Variants in GPC4 observed in about 807,000 individuals in gnomAD.
GPC4 encodes the protein glypican 4.
Under a neutral mutation model 35.0 loss-of-function variants are expected in GPC4, and 10 were observed. That is an observed-to-expected ratio of 0.29 (90% confidence interval 0.18 to 0.48). The LOEUF is 0.48. Ranked by LOEUF, GPC4 falls within the 20% of genes least tolerant of loss-of-function variation. GPC4 has a pLI of 0.99. For missense variants in GPC4, 322 were observed against 451.3 expected (o/e 0.71, Z 2.60); for synonymous variants, 167 against 170.2 (o/e 0.98, Z 0.15).
intron 1 of GPC4, among the ~76,000 whole-genome samples, chrX:133,389,001 G>A (rs1461897055): frequency 1.2e-5 from 1 of 86,743 alleles, no homozygotes; most frequent in Non-Finnish European, 2.1e-5. Flanking sequence ...CTGTCACCCA[G>A]ACTGAAGTGC....
chrX:133,377,479 T>A (rs1272059858), intron 1 of GPC4, among the ~76,000 whole-genome samples: 1 of 112,212 alleles, frequency 8.9e-6, no homozygotes, highest in Non-Finnish European at 1.9e-5. Flanking sequence ...AGAATTTAAA[T>A]TTTAAGAGGA....
chrX:133,401,546 G>A (rs1469474245), intron 1 of GPC4, among the ~76,000 whole-genome samples: 1 of 112,081 alleles, frequency 8.9e-6, no homozygotes, highest in Non-Finnish European at 1.9e-5. Context: ...TCTTTATTCA[G>A]ATTACAAGAA....
intron 2 of GPC4, among the ~76,000 whole-genome samples, chrX:133,327,732 T>C (rs2068401245): frequency 9.2e-6 from 1 of 108,398 alleles, no homozygotes; most frequent in Non-Finnish European, 1.9e-5. Flanking sequence ...GCTATATACA[T>C]ACTAAATCCT....
rs188772148 is a variant in GPC4 at position 133,318,933 on chromosome X, G to A, written c.711+5212C>T. ...CCCAGAAAAAACAAAAGCAAGGCAA[G>A]TGTACTTCAACTATGAAGTGTCTTT... On this transcript the variant is annotated intron_variant, in intron 3 of 8. Coordinates refer to ENST00000370828, the MANE Select transcript of GPC4 (RefSeq NM_001448.3). 2.0e-4 allele frequency among the ~76,000 whole-genome samples: 22 copies of A among 112,219 alleles called. No individual in the cohort carries two copies. The Admixed American group carries it at 2.0e-3, about 10-fold the overall frequency.
intron 1 of GPC4, among the ~76,000 whole-genome samples, chrX:133,355,524 G>A (rs990782232): frequency 2.7e-5 from 3 of 112,145 alleles, no homozygotes; most frequent in Non-Finnish European, 5.6e-5. Flanking sequence ...TTGCTTATTG[G>A]TTTAAAACTC....
At chrX:133,360,339 T>G (rs762131617) in intron 1 of GPC4, among the ~76,000 whole-genome samples, 2 of 111,639 alleles carry the variant, frequency 1.8e-5, no homozygotes, top group South Asian at 7.6e-4. Context: ...AGATTAAGGT[T>G]CAGTGTGCAA....
chrX:133,404,727 T>A (rs1418946507), intron 1 of GPC4, among the ~76,000 whole-genome samples: 1 of 107,433 alleles, frequency 9.3e-6, no homozygotes, highest in Non-Finnish European at 1.9e-5. Flanking sequence ...TGGTGGTGCA[T>A]GCCTATAATC....
At position 133,303,402 on chromosome X, in the gene GPC4, C is replaced by G. The variant is rs1338032946; in HGVS notation, c.1293-61G>C. On this transcript the variant is annotated intron_variant, in intron 7 of 8. Transcript: ENST00000370828. ...AAAGCGAAAAGATTTTATCTGTCTG[C>G]CTCCCAAAGTGCTGGGATTACAGGC... The G allele has an allele frequency of 3.0e-6, 3 of 990,974 alleles. No individual in the cohort carries two copies. In the East Asian group the frequency reaches 9.2e-5, roughly 30 times the overall value. The allele number at this position is 990,974 out of a possible 1,213,427, so 81.7% of individuals were successfully genotyped here.
chrX:133,354,568 A>ATTTATTTTT (rs781240039), intron 1 of GPC4, among the ~76,000 whole-genome samples: 4 of 95,206 alleles, frequency 4.2e-5, no homozygotes, highest in African/African-American at 8.4e-5. Context: ...TTATTTATTT[A>ATTTATTTTT]TTTTTTTTTT....
rs1302598929 is a variant in GPC4 at position 133,302,639 on chromosome X, C to G, written c.*228G>C. 1 of 411,508 alleles carries G rather than the reference C, an allele frequency of 2.4e-6. No homozygotes were observed. The highest frequency in any genetic ancestry group is 2.5e-5 in the African/African-American group (1 of 40,020). The allele number at this position is 411,508 out of a possible 1,213,427, so 33.9% of individuals were successfully genotyped here. A position where few individuals can be genotyped will look rare whatever the true frequency, so the allele number is the denominator to read the frequency against. ...ATAGTTCTGTACCTACACTGTTAGC[C>G]ACGTTTAACATGGTTTGGGGGAGCA... On this transcript the variant is annotated 3_prime_UTR_variant, in exon 9 of 9. Transcript: ENST00000370828.
At chrX:133,372,000 G>A (rs748398799) in intron 1 of GPC4, among the ~76,000 whole-genome samples, 8 of 110,392 alleles carry the variant, frequency 7.2e-5, no homozygotes, top group East Asian at 2.9e-4. Flanking sequence ...TTAGGAGGCC[G>A]AGGTGGGCAG....
intron 1 of GPC4, among the ~76,000 whole-genome samples, chrX:133,386,439 A>T (rs754249858): frequency 8.9e-6 from 1 of 112,028 alleles, no homozygotes; most frequent in South Asian, 3.8e-4. Flanking sequence ...AATGTTTCAG[A>T]TAGAATGAAA....
chrX:133,400,704 C>T (rs2068764734), intron 1 of GPC4, among the ~76,000 whole-genome samples: 1 of 111,511 alleles, frequency 9.0e-6, no homozygotes, highest in African/African-American at 3.3e-5. Flanking sequence ...AGCTTTTTTC[C>T]TAAGAGCAAC....
intron 1 of GPC4, among the ~76,000 whole-genome samples, chrX:133,355,953 C>A (rs2068539893): frequency 8.9e-6 from 1 of 111,932 alleles, no homozygotes; most frequent in Non-Finnish European, 1.9e-5. Flanking sequence ...GAAGCAGATG[C>A]TGGAGCCATG....
intron 1 of GPC4, among the ~76,000 whole-genome samples, chrX:133,342,664 G>A (rs565224535): frequency 1.8e-5 from 2 of 111,660 alleles, no homozygotes; most frequent in South Asian, 7.6e-4. Context: ...ACATTCTTGG[G>A]CTACTGGGGA....
At chrX:133,353,260 G>A (rs958405780) in intron 1 of GPC4, among the ~76,000 whole-genome samples, 3 of 111,823 alleles carry the variant, frequency 2.7e-5, no homozygotes, top group Non-Finnish European at 5.6e-5. Flanking sequence ...CTTTGGGTAT[G>A]AATGAAAGGA....
intron 1 of GPC4, among the ~76,000 whole-genome samples, chrX:133,354,507 C>G (rs1341176256): frequency 3.6e-5 from 4 of 110,578 alleles, no homozygotes; most frequent in African/African-American, 1.3e-4. Flanking sequence ...TTCTCTTTAT[C>G]TTTCACTGGA....
chrX:133,305,671 GA>G, intron 6 of GPC4, 100 bp downstream of exon 6: 1 of 1,053,164 alleles, frequency 9.5e-7, no homozygotes, highest in Non-Finnish European at 1.3e-6. Flanking sequence ...AGTGACACCT[GA>G]AAGACCCACA....
intron 1 of GPC4, among the ~76,000 whole-genome samples, chrX:133,397,099 T>TA (rs1051234920): frequency 2.0e-4 from 22 of 111,899 alleles, no homozygotes; most frequent in African/African-American, 4.9e-4. Context: ...AGATTACTGG[T>TA]AAAAAAATGG....
Sources: allele counts gnomAD v4.1 joint callset (sites outside exome capture counted in the v4.1 genomes callset), GRCh38; gene constraint gnomAD v4.1.1; transcripts MANE v1.5; gene names NCBI Gene and HGNC (gene_info 2026-07-23, HGNC 2026-07-21).